The following SNTG1 variants were observed in gnomAD, a reference collection of about 807,000 sequenced individuals.
The protein encoded by SNTG1 is gamma-1-syntrophin.
SNTG1 carries 39 observed loss-of-function variants against 74.7 expected under a neutral mutation model. That is an observed-to-expected ratio of 0.52 (90% CI 0.40 to 0.68). The LOEUF is 0.68. SNTG1 is among the 30% of genes least tolerant of loss of function. The pLI is 0.00. For missense variants in SNTG1, 685 were observed against 609.5 expected (o/e 1.12, Z -1.30); for synonymous variants, 254 against 217.1 (o/e 1.17, Z -1.49).
intron 17 of SNTG1, among the ~76,000 whole-genome samples, chr8:50,737,718 C>T (rs1016077844): frequency 5.3e-5 from 8 of 151,948 alleles, no homozygotes; most frequent in Admixed American, 2.0e-4. Flanking sequence ...ACCATGATCA[C>T]GTCGGCTTCA....
At chr8:50,233,717 C>T (rs9918848) in intron 2 of SNTG1, among the ~76,000 whole-genome samples, 7,850 of 108,918 alleles carry the variant, frequency 0.072, 607 homozygotes, top group African/African-American at 0.19. Flanking sequence ...TTAAAAAAAC[C>T]CACTAATTAG....
intron 1 of SNTG1, among the ~76,000 whole-genome samples, chr8:50,021,924 C>T (rs1816849135): frequency 7.5e-6 from 1 of 133,028 alleles, no homozygotes; most frequent in Admixed American, 8.2e-5. Flanking sequence ...CTGGGTGACA[C>T]AGTGAGACCC....
At chr8:50,158,963 C>T (rs1357254066) in intron 1 of SNTG1, among the ~76,000 whole-genome samples, 4 of 152,052 alleles carry the variant, frequency 2.6e-5, no homozygotes, top group Non-Finnish European at 5.9e-5. Context: ...ACCAGTTGCT[C>T]CTCTTAGTCT....
At chr8:50,669,724 C>T (rs1309943329) in intron 15 of SNTG1, among the ~76,000 whole-genome samples, 10 of 152,044 alleles carry the variant, frequency 6.6e-5, no homozygotes, top group Non-Finnish European at 1.5e-5. Context: ...AAAAGCCTGG[C>T]AGAGACACAA....
intron 2 of SNTG1, among the ~76,000 whole-genome samples, chr8:50,247,309 C>T (rs1055368001): frequency 1.3e-5 from 2 of 152,104 alleles, no homozygotes; most frequent in Non-Finnish European, 2.9e-5. Flanking sequence ...GTGATGTTAC[C>T]ATTCTTCCAC....
intron 2 of SNTG1, among the ~76,000 whole-genome samples, chr8:50,242,086 C>T (rs760368063): frequency 6.6e-5 from 10 of 151,368 alleles, no homozygotes; most frequent in African/African-American, 9.7e-5. Flanking sequence ...CACATATCTA[C>T]GTATATATAC....
At chr8:50,565,224 G>A (rs1045947334) in intron 12 of SNTG1, among the ~76,000 whole-genome samples, 5 of 151,900 alleles carry the variant, frequency 3.3e-5, no homozygotes, top group Non-Finnish European at 7.4e-5. Flanking sequence ...GATGCCTAAG[G>A]GGACCTGTTG....
intron 9 of SNTG1, among the ~76,000 whole-genome samples, chr8:50,510,580 C>A (rs1246520994): frequency 6.6e-6 from 1 of 152,142 alleles, no homozygotes; most frequent in Non-Finnish European, 1.5e-5. Flanking sequence ...TTAATTATTG[C>A]CACAATTTCA....
intron 1 of SNTG1, among the ~76,000 whole-genome samples, chr8:49,933,750 C>T (rs140771184): frequency 3.9e-4 from 59 of 152,206 alleles, no homozygotes; most frequent in Non-Finnish European, 1.5e-4. Context: ...TATTATTGTA[C>T]CTTTGTACTA....
intron 2 of SNTG1, among the ~76,000 whole-genome samples, chr8:50,179,551 A>T (rs2131703521): frequency 6.6e-6 from 1 of 152,354 alleles, no homozygotes; most frequent in East Asian, 1.9e-4. Context: ...ATAAGAAATT[A>T]ATACTCAAAA....
At chr8:50,165,407 G>A (rs1563683651) in intron 1 of SNTG1, among the ~76,000 whole-genome samples, 1 of 152,178 alleles carries the variant, frequency 6.6e-6, no homozygotes, top group Non-Finnish European at 1.5e-5. Context: ...GCAAGAATCA[G>A]GAAAATGTCA....
rs1182772631 is a variant in SNTG1, at chr8:50,639,231, A to AG, written c.850-17678_850-17677insG. ...AAATGCTTTTCAGTTAAAAAAAAAA[A>AG]AGCTATTTCTGTATTTCAGTGGCTT... On this transcript the variant is annotated intron_variant, in intron 13 of 18. Transcript: ENST00000642720. Among the ~76,000 whole-genome samples the AG allele has an allele frequency of 1.7e-3, 257 of 151,354 alleles. 3 individuals carry two copies. In the South Asian group the frequency reaches 0.02, roughly 12 times the overall value.
At chr8:50,665,417 T>TGTGTGTGTGTGC (rs1463281281) in intron 15 of SNTG1, among the ~76,000 whole-genome samples, 1 of 152,100 alleles carries the variant, frequency 6.6e-6, no homozygotes, top group Non-Finnish European at 1.5e-5. Context: ...TTTGTGTGTG[T>TGTGTGTGTGTGC]GTGTGTGTGT....
intron 13 of SNTG1, among the ~76,000 whole-genome samples, chr8:50,601,188 A>AAAAAAAAAAAATT (rs2094772379): frequency 7.4e-6 from 1 of 134,446 alleles, no homozygotes; most frequent in African/African-American, 2.6e-5. Flanking sequence ...AAAAAAAGAC[A>AAAAAAAAAAAATT]TGTTAGGCTA....
intron 1 of SNTG1, among the ~76,000 whole-genome samples, chr8:49,950,980 G>C (rs1164393114): frequency 6.6e-6 from 1 of 152,166 alleles, no homozygotes; most frequent in Non-Finnish European, 1.5e-5. Flanking sequence ...TAAATCTGCT[G>C]TCCGAACAAT....
At chr8:50,737,808 T>G (rs1351950320) in intron 17 of SNTG1, among the ~76,000 whole-genome samples, 1 of 151,824 alleles carries the variant, frequency 6.6e-6, no homozygotes, top group African/African-American at 2.4e-5. Context: ...ATTACAAAAA[T>G]CACATGATTA....
intron 1 of SNTG1, among the ~76,000 whole-genome samples, chr8:50,056,488 G>A (rs773759141): frequency 6.6e-6 from 1 of 152,148 alleles, no homozygotes; most frequent in Non-Finnish European, 1.5e-5. Flanking sequence ...GATGAAGTCA[G>A]GAGTTTGGAA....
At chr8:50,102,259 T>C (rs1430864264) in intron 1 of SNTG1, among the ~76,000 whole-genome samples, 3 of 150,496 alleles carry the variant, frequency 2.0e-5, no homozygotes, top group African/African-American at 7.3e-5. Flanking sequence ...TTCTAACTGG[T>C]GTGAGATGAT....
In SNTG1 at chr8:50,786,676, T is replaced by C. The variant is rs182424917; in HGVS notation, c.1396-5995T>C. On this transcript the variant is annotated intron_variant, in intron 18 of 18. Transcript: ENST00000642720. ...GAACACTGGAATACAATTGAGAGTC[T>C]AGAAATGAACCTTATTTATTGTTAA... Among the ~76,000 whole-genome samples the C allele has an allele frequency of 7.0e-4, 107 of 152,100 alleles. 1 individual carries two copies. Among genetic ancestry groups the C allele is most frequent in the Middle Eastern group, 3.4e-3 (1 of 294 alleles).
Sources: allele counts gnomAD v4.1 joint callset (sites outside exome capture counted in the v4.1 genomes callset), GRCh38; gene constraint gnomAD v4.1.1; transcripts MANE v1.5; gene names NCBI Gene and HGNC (gene_info 2026-07-23, HGNC 2026-07-21).